The following CBL variants were observed in gnomAD, a reference collection of about 807,000 sequenced individuals.
CBL encodes the protein Cbl proto-oncogene, also known as E3 ubiquitin-protein ligase CBL.
Under a neutral mutation model 96.9 loss-of-function variants are expected in CBL, and 45 were observed. The observed-to-expected ratio is 0.46, with a 90% confidence interval of 0.37 to 0.60. The LOEUF (loss-of-function observed/expected upper bound fraction) is 0.60. Among genes scored for constraint, CBL ranks in the 20% least tolerant of loss-of-function variants. The probability of loss-of-function intolerance (pLI) is 0.00; values close to 1 mark genes in which losing one functional copy is unlikely to be tolerated. For missense variants in CBL, 1,024 were observed against 1,143.5 expected (o/e 0.90, Z 1.51); for synonymous variants, 420 against 426.8 (o/e 0.98, Z 0.20).
chr11:119,274,947 C>A lies in CBL; in HGVS notation c.863C>A (p.Pro288His). ...CGGCTCCAGAAATTCATTCACAAAC[C>A]TGGCAGGTCAGTTCAATGACGCAAA... ...KARLQKFIHKPGSYIFRLSCT... is the reference protein window; with the variant it reads ...KARLQKFIHKHGSYIFRLSCT... The change falls in exon 5 of 16, where the codon CCT becomes CAT. Residue 288 changes from proline to histidine, a missense_variant. By Grantham distance (77) the Pro-to-His change is moderately conservative. Coordinates refer to ENST00000264033, the MANE Select transcript of CBL (RefSeq NM_005188.4). 1 of 1,613,960 alleles carries A rather than the reference C, an allele frequency of 6.2e-7. No homozygotes were observed. Among genetic ancestry groups the A allele is most frequent in the South Asian group, 1.1e-5 (1 of 91,058 alleles).
At position 119,278,278 on chromosome 11, in the gene CBL, C is replaced by G; in HGVS notation, c.1208C>G (p.Ser403Cys). 1 of 1,613,836 alleles carries G rather than the reference C, an allele frequency of 6.2e-7. No individual in the cohort carries two copies. Among genetic ancestry groups the G allele is most frequent in the South Asian group, 1.1e-5 (1 of 91,066 alleles). The change falls in exon 8 of 16, where the codon TCC (serine) becomes TGC (cysteine). Residue 403 changes from serine to cysteine, a missense_variant. By Grantham distance (112) the Ser-to-Cys change is moderately radical. Around this residue, in one of 4 missense-constraint regions of CBL, gnomAD observed 695 missense variants for 661.6 expected, o/e 1.05. Coordinates refer to ENST00000264033, the MANE Select transcript of CBL (RefSeq NM_005188.4). Reference sequence around the variant, plus strand: ...CCCTGTGGACACCTCATGTGCACATCCTGTCTTACATCCTGGCAGGTACGG... The same window carrying G: ...CCCTGTGGACACCTCATGTGCACATGCTGTCTTACATCCTGGCAGGTACGG... Reference protein sequence around the residue: ...IEPCGHLMCTSCLTSWQESEG... With the variant: ...IEPCGHLMCTCCLTSWQESEG...
chr11:119,279,339 C>A (rs968460446), intron 9 of CBL, among the ~76,000 whole-genome samples: 2 of 151,916 alleles, frequency 1.3e-5, no homozygotes, highest in Admixed American at 6.6e-5. Flanking sequence ...ATCTCTACCC[C>A]TGACTCCAAA....
chr11:119,271,990 A>C, intron 3 of CBL, 109 bp downstream of exon 3: 1 of 988,506 alleles, frequency 1.0e-6, no homozygotes, highest in Admixed American at 2.0e-5. Flanking sequence ...TGAGAAAAGT[A>C]ATATATGTGT....
intron 1 of CBL, among the ~76,000 whole-genome samples, chr11:119,225,422 A>T (rs965511596): frequency 6.6e-6 from 1 of 151,848 alleles, no homozygotes; most frequent in African/African-American, 2.4e-5. Flanking sequence ...GTTTGGAGAC[A>T]GGGTCTCATT....
In CBL at chr11:119,299,643, C is replaced by T. The variant is rs397517080; in HGVS notation, c.2583C>T (p.Ile861=). The change falls in exon 16 of 16, where the codon ATC becomes ATT. Residue 861 remains isoleucine (I), a synonymous_variant. Transcript: ENST00000264033. ...CCTCACCTCAGCTCTCCAGTGAGATCGAGAACCTCATGAGTCAGGGGTACT... is the reference window on the plus strand; with the variant it reads ...CCTCACCTCAGCTCTCCAGTGAGATTGAGAACCTCATGAGTCAGGGGTACT... ...ATASPQLSSE[I]ENLMSQGYSY... 16 of 1,614,040 alleles carry T rather than the reference C, an allele frequency of 9.9e-6. No individual in the cohort carries two copies. In the African/African-American group the frequency reaches 1.1e-4, roughly 11 times the overall value.
intron 2 of CBL, among the ~76,000 whole-genome samples, chr11:119,245,396 A>G (rs1259612254): frequency 6.6e-6 from 1 of 152,140 alleles, no homozygotes; most frequent in Non-Finnish European, 1.5e-5. Context: ...TTAACCTTTA[A>G]ACACTTAACA....
At position 119,288,075 on chromosome 11, in the gene CBL, T is replaced by A. The variant is rs558235071; in HGVS notation, c.2036+129T>A. 1.5e-5 allele frequency: 10 copies of A among 688,338 alleles called. No homozygotes were observed. In the African/African-American group the frequency reaches 1.8e-4, roughly 12 times the overall value. The allele number at this position is 688,338 out of a possible 1,614,324, so 42.6% of individuals were successfully genotyped here. On this transcript the variant is annotated intron_variant, in intron 12 of 15. Coordinates refer to ENST00000264033, the MANE Select transcript of CBL (RefSeq NM_005188.4). ...AAATCTCTGCACCATGTAGAAATGA[T>A]TATATTTTATGTTTTAGAGTATTTC...
intron 12 of CBL, among the ~76,000 whole-genome samples, chr11:119,290,495 CA>C (rs1214048475): frequency 6.7e-6 from 1 of 149,370 alleles, no homozygotes; most frequent in East Asian, 2.1e-4. Context: ...ACTAAAAATA[CA>C]AAAAAATTAG....
At chr11:119,241,576 C>T (rs149462911) in intron 2 of CBL, among the ~76,000 whole-genome samples, 169 of 152,204 alleles carry the variant, frequency 1.1e-3, no homozygotes, top group African/African-American at 3.7e-3. Context: ...TCCGGTGGAA[C>T]AGTATTTAAC....
At position 119,290,843 on chromosome 11, in the gene CBL, A is replaced by G. The variant is rs950942003; in HGVS notation, c.2036+2897A>G. ...CACCACCATGCCCAGCTAATTTTTT[A>G]TTTTTTTATTTTTTAGTAGTAACAG... On this transcript the variant is annotated intron_variant, in intron 12 of 15. Coordinates refer to ENST00000264033, the MANE Select transcript of CBL (RefSeq NM_005188.4). Among the ~76,000 whole-genome samples the G allele has an allele frequency of 2.7e-5, 4 of 150,806 alleles. No homozygotes were observed. The East Asian group carries it at 8.0e-4, about 30-fold the overall frequency.
Position 119,275,176 on chromosome 11 carries a change from C to CA in CBL, c.869+224dup, listed in dbSNP as rs1488055450. 3.3e-5 allele frequency among the ~76,000 whole-genome samples: 5 copies of CA among 152,236 alleles called. No individual in the cohort carries two copies. In the East Asian group the frequency reaches 9.6e-4, roughly 29 times the overall value. ...GAATTTATGGCCGGGCACAGTGGCTCACGCCTGTCATCCCAGCACTTTGGG... is the reference window on the plus strand; with the variant it reads ...GAATTTATGGCCGGGCACAGTGGCTCAACGCCTGTCATCCCAGCACTTTGGG... On this transcript the variant is annotated intron_variant, in intron 5 of 15. Coordinates refer to ENST00000264033, the MANE Select transcript of CBL (RefSeq NM_005188.4).
intron 3 of CBL, 112 bp from the exon 4 acceptor site, chr11:119,273,756 T>A (rs747096448): frequency 9.9e-6 from 9 of 905,726 alleles, no homozygotes; most frequent in Non-Finnish European, 1.4e-5. Flanking sequence ...TTACGAGAAT[T>A]GAAATTGGTA....
intron 2 of CBL, among the ~76,000 whole-genome samples, chr11:119,243,226 C>T (rs572339773): frequency 1.3e-5 from 2 of 152,136 alleles, no homozygotes; most frequent in South Asian, 4.2e-4. Context: ...TGCAGTGAGC[C>T]GAGATCATGC....
In CBL at chr11:119,299,955, A is replaced by C. The variant is rs1222631122; in HGVS notation, c.*174A>C. On this transcript the variant is annotated 3_prime_UTR_variant, in exon 16 of 16. Transcript: ENST00000264033. Reference sequence around the variant, plus strand: ...CAAAGTGGTGAAATGAAAATGGAGCAGCTAGTATGTTTTATTATTTTATGG... The same window carrying C: ...CAAAGTGGTGAAATGAAAATGGAGCCGCTAGTATGTTTTATTATTTTATGG... 5 of 716,176 alleles carry C rather than the reference A, an allele frequency of 7.0e-6. No individual in the cohort carries two copies. The highest frequency in any genetic ancestry group is 1.2e-5 in the Non-Finnish European group (5 of 407,014). 44.4% of individuals were successfully genotyped at this position (716,176 alleles called of 1,614,324 possible). A position where few individuals can be genotyped will look rare whatever the true frequency, so the allele number is the denominator to read the frequency against.
chr11:119,247,532 C>T (rs373405170), intron 2 of CBL, among the ~76,000 whole-genome samples: 3 of 152,110 alleles, frequency 2.0e-5, no homozygotes, highest in South Asian at 2.1e-4. Flanking sequence ...AATCATTTGC[C>T]GGGTGTGGTG....
At chr11:119,294,728 T>C (rs551543158) in intron 12 of CBL, among the ~76,000 whole-genome samples, 3 of 151,698 alleles carry the variant, frequency 2.0e-5, no homozygotes, top group Non-Finnish European at 2.9e-5. Context: ...AAGGCAGAGG[T>C]TGCAGTGAGC....
intron 6 of CBL, 129 bp from the exon 7 acceptor site, chr11:119,277,628 A>C (rs1399254239): frequency 3.0e-6 from 2 of 671,910 alleles, no homozygotes; most frequent in African/African-American, 3.7e-5. Context: ...TTTTTGAAGT[A>C]AGATTGATCT....
At chr11:119,297,741 C>A (rs561657026) in intron 14 of CBL, among the ~76,000 whole-genome samples, 19 of 152,312 alleles carry the variant, frequency 1.2e-4, no homozygotes, top group East Asian at 1.9e-4. Context: ...TGAGCCACCA[C>A]GCCCAGACAA....
intron 12 of CBL, among the ~76,000 whole-genome samples, chr11:119,295,114 T>G (rs984799289): frequency 3.9e-5 from 6 of 152,192 alleles, no homozygotes; most frequent in African/African-American, 1.2e-4. Context: ...TGGCTCCGGC[T>G]TGGAACCTCT....
Sources: allele counts gnomAD v4.1 joint callset (sites outside exome capture counted in the v4.1 genomes callset), GRCh38; gene constraint gnomAD v4.1.1; regional missense constraint gnomAD v4.1.1; transcripts MANE v1.5; gene names NCBI Gene and HGNC (gene_info 2026-07-23, HGNC 2026-07-21).